Variants in GALNT17 observed in about 807,000 individuals in gnomAD.
GALNT17 encodes the protein polypeptide N-acetylgalactosaminyltransferase 17.
GALNT17 carries 29 observed loss-of-function variants against 63.7 expected under a neutral mutation model. The ratio of observed to expected loss-of-function variants is 0.46; its 90% CI spans 0.34 to 0.62. GALNT17 has a LOEUF of 0.62. GALNT17 is among the 20% of genes least tolerant of loss of function. GALNT17 has a pLI of 0.01. For missense variants in GALNT17, 603 were observed against 799.6 expected (o/e 0.75, Z 2.97); for synonymous variants, 305 against 318.3 (o/e 0.96, Z 0.45).
chr7:71,515,952 C>T (rs1452553239), intron 5 of GALNT17, among the ~76,000 whole-genome samples: 1 of 152,098 alleles, frequency 6.6e-6, no homozygotes, highest in Admixed American at 6.6e-5. Flanking sequence ...TCTCGTGAGG[C>T]TTTCATTAGC....
chr7:71,403,792 G>A (rs956427437), intron 3 of GALNT17, among the ~76,000 whole-genome samples: 2 of 152,106 alleles, frequency 1.3e-5, no homozygotes, highest in African/African-American at 2.4e-5. Context: ...AAGCACCAGC[G>A]TGTAACCCTG....
At chr7:71,427,083 C>CT (rs879851559) in intron 5 of GALNT17, among the ~76,000 whole-genome samples, 1,710 of 140,222 alleles carry the variant, frequency 0.012, 21 homozygotes, top group African/African-American at 0.03. Context: ...TTCATTTACT[C>CT]TTTTTTTTTT....
intron 1 of GALNT17, among the ~76,000 whole-genome samples, chr7:71,249,988 G>A (rs560766526): frequency 6.6e-6 from 1 of 152,206 alleles, no homozygotes; most frequent in Non-Finnish European, 1.5e-5. Context: ...GCGTTTAAAA[G>A]CCTAGAAAAT....
In GALNT17 at chr7:71,145,984, G is replaced by T. The variant is rs530675729; in HGVS notation, c.238+12944G>T. Among the ~76,000 whole-genome samples, 6 of 152,200 alleles carry T rather than the reference G, an allele frequency of 3.9e-5. No homozygotes were observed. In the South Asian group the frequency reaches 1.2e-3, roughly 32 times the overall value. ...GCCTCCCAAAGTGCTGGGATTACAGGCGCGAGCCACCGTACGGGGCCCGTA... is the reference window on the plus strand; with the variant it reads ...GCCTCCCAAAGTGCTGGGATTACAGTCGCGAGCCACCGTACGGGGCCCGTA... On this transcript the variant is annotated intron_variant, in intron 1 of 10. Transcript: ENST00000333538.
At chr7:71,434,783 T>C (rs1359767319) in intron 5 of GALNT17, among the ~76,000 whole-genome samples, 4 of 152,218 alleles carry the variant, frequency 2.6e-5, no homozygotes, top group Non-Finnish European at 4.4e-5. Context: ...TGAAAAGCAC[T>C]AATTATAAAC....
intron 6 of GALNT17, among the ~76,000 whole-genome samples, chr7:71,661,128 C>T (rs1790901689): frequency 6.6e-6 from 1 of 152,138 alleles, no homozygotes; most frequent in Non-Finnish European, 1.5e-5. Context: ...TCAGAGGCAC[C>T]AACCAGGCAC....
intron 5 of GALNT17, among the ~76,000 whole-genome samples, chr7:71,499,629 G>A (rs1788148927): frequency 6.6e-6 from 1 of 152,158 alleles, no homozygotes; most frequent in Admixed American, 6.5e-5. Flanking sequence ...AGAATGTGTT[G>A]CAAAGAAGAC....
chr7:71,490,015 T>A (rs1787979636), intron 5 of GALNT17, among the ~76,000 whole-genome samples: 1 of 152,036 alleles, frequency 6.6e-6, no homozygotes, highest in African/African-American at 2.4e-5. Context: ...CCCAGCACTT[T>A]GGGAGGCCGA....
Position 71,160,631 on chromosome 7 carries a change from G to C in GALNT17, c.238+27591G>C, listed in dbSNP as rs574185030. On this transcript the variant is annotated intron_variant, in intron 1 of 10. Coordinates refer to ENST00000333538, the MANE Select transcript of GALNT17 (RefSeq NM_022479.3). Reference sequence around the variant, plus strand: ...CTGCTACCATGCCTGGCTAATTTTTGTATTTTTAGTAGTGACGGGGTTTTT... The same window carrying C: ...CTGCTACCATGCCTGGCTAATTTTTCTATTTTTAGTAGTGACGGGGTTTTT... 1.3e-4 allele frequency among the ~76,000 whole-genome samples: 20 copies of C among 152,048 alleles called. No homozygotes were observed. In the Middle Eastern group the frequency reaches 0.01, roughly 78 times the overall value.
At chr7:71,701,050 C>T (rs1791623914) in intron 9 of GALNT17, among the ~76,000 whole-genome samples, 1 of 152,052 alleles carries the variant, frequency 6.6e-6, no homozygotes, top group Non-Finnish European at 1.5e-5. Flanking sequence ...GGGAGCCAAA[C>T]AACAAACTGG....
At chr7:71,258,771 G>A (rs1289049776) in intron 1 of GALNT17, among the ~76,000 whole-genome samples, 1 of 152,148 alleles carries the variant, frequency 6.6e-6, no homozygotes, top group Non-Finnish European at 1.5e-5. Context: ...ATGTATCACA[G>A]AAACCTGGAA....
chr7:71,524,139 A>C (rs1243978886), intron 5 of GALNT17, among the ~76,000 whole-genome samples: 1 of 150,072 alleles, frequency 6.7e-6, no homozygotes, highest in Non-Finnish European at 1.5e-5. Context: ...AAAGAAAGAA[A>C]CTCTGGGCAT....
At chr7:71,208,015 A>C (rs1340261846) in intron 1 of GALNT17, among the ~76,000 whole-genome samples, 1 of 150,630 alleles carries the variant, frequency 6.6e-6, no homozygotes, top group Non-Finnish European at 1.5e-5. Flanking sequence ...GCTCACTGCA[A>C]CCTCGACCCC....
chr7:71,702,112 A>T (rs1226222115), intron 9 of GALNT17, among the ~76,000 whole-genome samples: 3 of 151,756 alleles, frequency 2.0e-5, no homozygotes, highest in African/African-American at 7.3e-5. Context: ...GAAACAATAG[A>T]CACTGTGGAC....
intron 6 of GALNT17, among the ~76,000 whole-genome samples, chr7:71,653,304 G>A (rs1363505167): frequency 6.6e-6 from 1 of 150,658 alleles, no homozygotes; most frequent in Non-Finnish European, 1.5e-5. Context: ...ATGAGTCAAC[G>A]CACCCGGCCC....
intron 1 of GALNT17, among the ~76,000 whole-genome samples, chr7:71,158,826 C>T (rs1322339873): frequency 2.0e-5 from 3 of 151,802 alleles, no homozygotes; most frequent in Non-Finnish European, 1.5e-5. Flanking sequence ...CCACCCACCT[C>T]GGCCTCCCAA....
chr7:71,529,557 C>T (rs1201514169), intron 5 of GALNT17, among the ~76,000 whole-genome samples: 3 of 152,202 alleles, frequency 2.0e-5, no homozygotes, highest in East Asian at 1.9e-4. Flanking sequence ...AAACGACCCA[C>T]GTAGCCGTCC....
chr7:71,434,575 C>G (rs1786925330), intron 5 of GALNT17, among the ~76,000 whole-genome samples: 1 of 152,132 alleles, frequency 6.6e-6, no homozygotes, highest in Admixed American at 6.5e-5. Flanking sequence ...CTTTTTTTCC[C>G]TGTCCTGCTA....
At chr7:71,133,063 C>T (rs1263453671) in intron 1 of GALNT17, 23 bp downstream of exon 1, 1 of 1,515,626 alleles carries the variant, frequency 6.6e-7, no homozygotes, top group Non-Finnish European at 8.8e-7. Context: ...GCCGGCGCCT[C>T]CGGGGCTCGA....
Sources: allele counts gnomAD v4.1 joint callset (sites outside exome capture counted in the v4.1 genomes callset), GRCh38; gene constraint gnomAD v4.1.1; transcripts MANE v1.5; gene names NCBI Gene and HGNC (gene_info 2026-07-23, HGNC 2026-07-21).